RAB38: variants seen among roughly 807,000 people sequenced by gnomAD.
RAB38 encodes ras-related protein Rab-38.
A neutral mutation model predicts 18.4 loss-of-function variants in RAB38; 15 were observed. The ratio of observed to expected loss-of-function variants is 0.82; its 90% CI spans 0.55 to 1.26. RAB38 has a LOEUF of 1.26. Among genes scored for constraint, RAB38 ranks in the 50% most tolerant of loss-of-function variants. The pLI is 0.00. For synonymous variants in RAB38, 101 were observed against 104.4 expected (o/e 0.97, Z 0.20); for missense variants, 294 against 267.4 (o/e 1.10, Z -0.69).
At chr11:88,163,102 C>T (rs1429481911) in intron 1 of RAB38, among the ~76,000 whole-genome samples, 1 of 152,070 alleles carries the variant, frequency 6.6e-6, no homozygotes, top group Non-Finnish European at 1.5e-5. Flanking sequence ...CCTTGTACTG[C>T]TTTTTATGTG....
chr11:87,825,744 A>G, the RAB38 span, among the ~76,000 whole-genome samples: 1 of 152,112 alleles, frequency 6.6e-6, no homozygotes, highest in African/African-American at 2.4e-5. Context: ...GTTTGGAAGG[A>G]TGTAGAGAAA....
the RAB38 span, among the ~76,000 whole-genome samples, chr11:88,058,832 G>A: frequency 6.6e-6 from 1 of 152,006 alleles, no homozygotes; most frequent in East Asian, 1.9e-4. Context: ...TTTTTCTTTT[G>A]CACATCAAGA....
At chr11:87,907,882 A>C in the RAB38 span, among the ~76,000 whole-genome samples, 1 of 151,776 alleles carries the variant, frequency 6.6e-6, no homozygotes, top group South Asian at 2.1e-4. Flanking sequence ...TAAATTTGCT[A>C]TACTTATTTT....
the RAB38 span, among the ~76,000 whole-genome samples, chr11:87,924,179 A>G: frequency 2.6e-5 from 4 of 152,004 alleles, no homozygotes; most frequent in African/African-American, 9.7e-5. Flanking sequence ...AAAGTCTGGG[A>G]GGTTAACTTG....
the RAB38 span, among the ~76,000 whole-genome samples, chr11:88,015,585 GTGATT>G: frequency 1.3e-5 from 2 of 152,092 alleles, no homozygotes; most frequent in Admixed American, 1.3e-4. Context: ...TACTCTTGTG[GTGATT>G]TAGATGCTTG....
At chr11:87,850,324 T>C in the RAB38 span, among the ~76,000 whole-genome samples, 1 of 152,142 alleles carries the variant, frequency 6.6e-6, no homozygotes, top group South Asian at 2.1e-4. Context: ...CATACACACA[T>C]ATGTACACTT....
chr11:87,925,864 A>G, the RAB38 span, among the ~76,000 whole-genome samples: 2 of 151,532 alleles, frequency 1.3e-5, no homozygotes, highest in Non-Finnish European at 2.9e-5. Context: ...GTGATCTGGA[A>G]GGGTTTTCCA....
chr11:88,065,827 T>C, the RAB38 span, among the ~76,000 whole-genome samples: 1 of 152,222 alleles, frequency 6.6e-6, no homozygotes, highest in Non-Finnish European at 1.5e-5. Flanking sequence ...ATGTTCATCA[T>C]GGCACAGAGG....
At chr11:88,049,778 A>C in the RAB38 span, among the ~76,000 whole-genome samples, 1 of 152,180 alleles carries the variant, frequency 6.6e-6, no homozygotes, top group South Asian at 2.1e-4. Flanking sequence ...CATGGATGCA[A>C]GTGAAAGGGA....
At chr11:88,053,474 T>C in the RAB38 span, among the ~76,000 whole-genome samples, 57,621 of 106,534 alleles carry the variant, frequency 0.54, 18,104 homozygotes, top group Non-Finnish European at 0.64. Flanking sequence ...TATATATATA[T>C]ACACACATAT....
the RAB38 span, among the ~76,000 whole-genome samples, chr11:88,020,237 A>G: frequency 6.6e-6 from 1 of 152,216 alleles, no homozygotes; most frequent in Non-Finnish European, 1.5e-5. Context: ...ATAGAGACAC[A>G]CATAGACTGA....
chr11:87,953,926 T>C, the RAB38 span, among the ~76,000 whole-genome samples: 1 of 152,176 alleles, frequency 6.6e-6, no homozygotes. Flanking sequence ...TATTTATTTT[T>C]GAATTTCCTA....
At chr11:88,114,380 G>C (rs576165192) in intron 2 of RAB38, among the ~76,000 whole-genome samples, 28 of 152,274 alleles carry the variant, frequency 1.8e-4, no homozygotes, top group Non-Finnish European at 3.4e-4. Context: ...AATGTACTTA[G>C]TAGGTTAAAT....
the RAB38 span, among the ~76,000 whole-genome samples, chr11:88,052,671 A>C: frequency 6.6e-6 from 1 of 151,694 alleles, no homozygotes. Flanking sequence ...TCAATGCTAC[A>C]TTAATGACTA....
chr11:88,032,910 G>C, the RAB38 span, among the ~76,000 whole-genome samples: 1 of 152,136 alleles, frequency 6.6e-6, no homozygotes, highest in Non-Finnish European at 1.5e-5. Flanking sequence ...TCATGCTGCT[G>C]TAAAGACACA....
chr11:88,114,376 C>T (rs1199434855), intron 2 of RAB38, among the ~76,000 whole-genome samples: 1 of 152,076 alleles, frequency 6.6e-6, no homozygotes, highest in Non-Finnish European at 1.5e-5. Context: ...GGTAAATGTA[C>T]TTAGTAGGTT....
At chr11:88,115,539 G>C (rs897849943) in intron 2 of RAB38, 1 of 152,242 alleles carries the variant, frequency 6.6e-6, no homozygotes, top group Non-Finnish European at 1.5e-5. Context: ...TAACTTTGGA[G>C]TTCCAGACAA....
At chr11:87,819,800 GTA>G in the RAB38 span, among the ~76,000 whole-genome samples, 259 of 143,308 alleles carry the variant, frequency 1.8e-3, 1 homozygote, top group African/African-American at 5.9e-3. Context: ...ATGTGTGTGT[GTA>G]TATATATATA....
chr11:87,887,210 T>G, the RAB38 span, among the ~76,000 whole-genome samples: 1 of 151,892 alleles, frequency 6.6e-6, no homozygotes, highest in African/African-American at 2.4e-5. Context: ...TTGCAGTGAG[T>G]GGTTTATTTG....
Sources: allele counts gnomAD v4.1 joint callset (sites outside exome capture counted in the v4.1 genomes callset), GRCh38; gene constraint gnomAD v4.1.1; transcripts MANE v1.5; gene names NCBI Gene and HGNC (gene_info 2026-07-23, HGNC 2026-07-21).